The following ATP11A variants were observed in gnomAD, a reference collection of about 807,000 sequenced individuals.
ATP11A encodes phospholipid-transporting ATPase IH.
In ATP11A, 81 loss-of-function variants were observed where a neutral mutation model predicts 154.4. That is an observed-to-expected ratio of 0.52 (90% CI 0.44 to 0.63). The LOEUF (loss-of-function observed/expected upper bound fraction) is 0.63. Among genes scored for constraint, ATP11A ranks in the 30% least tolerant of loss-of-function variants. The pLI is 0.00. For synonymous variants in ATP11A, 623 were observed against 585.9 expected (o/e 1.06, Z -0.91); for missense variants, 1,316 against 1,474.3 (o/e 0.89, Z 1.76).
In ATP11A at chr13:112,866,664, C is replaced by T. The variant is rs535042740; in HGVS notation, c.2991+4089C>T. On this transcript the variant is annotated intron_variant, in intron 25 of 29. Coordinates refer to ENST00000375645, the MANE Select transcript of ATP11A (RefSeq NM_015205.3). ...TTCTGGGTGACTTCTAAACAGAAAT[C>T]GGCTTCGTTCCTTGTTTAGCCTGAC... is the stretch of plus-strand genomic sequence containing the variant. Among the ~76,000 whole-genome samples the T allele has an allele frequency of 3.3e-4, 12 of 36,554 alleles. 1 individual carries two copies. The highest frequency in any genetic ancestry group is 7.7e-4 in the African/African-American group (10 of 13,054). The allele number at this position is 36,554 out of a possible 152,430, so 24.0% of individuals were successfully genotyped here.
At chr13:112,853,642 A>G (rs750196931) in intron 18 of ATP11A, among the ~76,000 whole-genome samples, 3 of 152,194 alleles carry the variant, frequency 2.0e-5, no homozygotes, top group Non-Finnish European at 4.4e-5. Flanking sequence ...TGGGTTTTCC[A>G]TATGTAAATA....
intron 1 of ATP11A, among the ~76,000 whole-genome samples, chr13:112,736,618 AGCAT>A (rs1311199694): frequency 6.6e-6 from 1 of 152,226 alleles, no homozygotes; most frequent in Non-Finnish European, 1.5e-5. Context: ...TGTTGTTTCC[AGCAT>A]GCCAGAATTA....
chr13:112,734,781 G>T (rs376292952), intron 1 of ATP11A, among the ~76,000 whole-genome samples: 40 of 152,198 alleles, frequency 2.6e-4, no homozygotes, highest in African/African-American at 8.2e-4. Flanking sequence ...GCCGCACTTG[G>T]GGGGGATCAC....
rs749111092 is a variant in ATP11A at position 112,842,394 on chromosome 13, G to A, written c.1809+15G>A. On this transcript the variant is annotated intron_variant, in intron 17 of 29. Coordinates refer to ENST00000375645, the MANE Select transcript of ATP11A (RefSeq NM_015205.3). ...GTAACGCAGTGGTGAGAGCCGGGCT[G>A]GGGAGGGCCTCGTGGCGGTCAGCTC... 8.8e-6 allele frequency: 14 copies of A among 1,582,174 alleles called. No homozygotes were observed. In the Admixed American group the frequency reaches 2.3e-4, roughly 26 times the overall value.
intron 26 of ATP11A, among the ~76,000 whole-genome samples, chr13:112,873,188 C>T (rs9549587): frequency 0.031 from 876 of 28,612 alleles, no homozygotes; most frequent in African/African-American, 0.16. Context: ...TCTTCCTGAG[C>T]GGTGTGAGGT....
intron 1 of ATP11A, among the ~76,000 whole-genome samples, chr13:112,734,984 A>C (rs1472061892): frequency 1.3e-5 from 2 of 152,220 alleles, no homozygotes; most frequent in Non-Finnish European, 2.9e-5. Context: ...CCTTCCAGGA[A>C]GGATTTGAAG....
chr13:112,877,707 G>T (rs1342531834), intron 28 of ATP11A, among the ~76,000 whole-genome samples: 1 of 152,198 alleles, frequency 6.6e-6, no homozygotes. Context: ...TTGAACTCGG[G>T]GGGTTAGGAG....
rs1400837057 is a variant in ATP11A at position 112,787,109 on chromosome 13, G to A, written c.162+1852G>A. On this transcript the variant is annotated intron_variant, in intron 2 of 29. Transcript: ENST00000375645. ...TGTGGAGACCTACTTAATTCACACC[G>A]GTGTCCTGACGTGTAGACCCCTGTG... 9.2e-4 allele frequency among the ~76,000 whole-genome samples: 108 copies of A among 117,770 alleles called. 3 individuals carry two copies. The highest frequency in any genetic ancestry group is 4.2e-3 in the African/African-American group (99 of 23,744). 77.3% of individuals were successfully genotyped at this position (117,770 alleles called of 152,430 possible).
chr13:112,720,526 C>T (rs528469769), intron 1 of ATP11A, among the ~76,000 whole-genome samples: 2 of 152,038 alleles, frequency 1.3e-5, no homozygotes, highest in African/African-American at 2.4e-5. Context: ...GGCTTTATCA[C>T]GCAGATGAAG....
chr13:112,834,755 A>G (rs1275229970), intron 15 of ATP11A, 95 bp downstream of exon 15: 20 of 992,708 alleles, frequency 2.0e-5, no homozygotes, highest in Non-Finnish European at 3.0e-5. Context: ...CAAGTTCTCT[A>G]TGTTCTCCCA....
At chr13:112,803,497 G>A (rs561772894) in intron 2 of ATP11A, among the ~76,000 whole-genome samples, 23 of 152,276 alleles carry the variant, frequency 1.5e-4, no homozygotes, top group Admixed American at 5.2e-4. Flanking sequence ...TTCAGGTTTC[G>A]GTAGACTGTC....
At chr13:112,863,481 C>T (rs1242658223) in intron 25 of ATP11A, among the ~76,000 whole-genome samples, 2 of 132,138 alleles carry the variant, frequency 1.5e-5, no homozygotes, top group African/African-American at 5.4e-5. Context: ...TCAGTGCAGC[C>T]CATGCAGCTT....
rs1017077451 is a variant in ATP11A at position 112,807,672 on chromosome 13, G to T, written c.333+1379G>T. 6.6e-6 allele frequency among the ~76,000 whole-genome samples: 1 copy of T among 152,190 alleles called. No individual in the cohort carries two copies. Among genetic ancestry groups the T allele is most frequent in the Non-Finnish European group, 1.5e-5 (1 of 68,030 alleles). ...AGGAAATGGTGCTGAAGGAAACGAT[G>T]TTACTCGGGGACCTGCCATGTGTCC... On this transcript the variant is annotated intron_variant, in intron 4 of 29. Coordinates refer to ENST00000375645, the MANE Select transcript of ATP11A (RefSeq NM_015205.3). The surrounding 1 kb of genome is among the most constrained non-coding windows in gnomAD (Gnocchi z 4.5).
At chr13:112,814,756 T>A (rs2078595850) in intron 5 of ATP11A, among the ~76,000 whole-genome samples, 1 of 152,248 alleles carries the variant, frequency 6.6e-6, no homozygotes, top group South Asian at 2.1e-4. Context: ...TCACTGTAGC[T>A]GTCTCAGAAG....
chr13:112,855,998 C>CG lies in ATP11A; in HGVS notation c.2333dup (p.Asn779GlnfsTer31). 1 of 1,614,216 alleles carries CG rather than the reference C, an allele frequency of 6.2e-7. No homozygotes were observed. ...TGAAGCCTCGAGAAGACGGGAGTTC[C>CG]GGCAACTACAGGGAGCTCTTCCTGG... is the stretch of plus-strand genomic sequence containing the variant. On this transcript the variant is annotated frameshift_variant, in exon 20 of 30. Transcript: ENST00000375645.
rs575401497 is a variant in ATP11A at position 112,690,485 on chromosome 13, C to G, written c.39+30C>G. The G allele has an allele frequency of 3.8e-6, 5 of 1,323,680 alleles. No individual in the cohort carries two copies. Among genetic ancestry groups the G allele is most frequent in the South Asian group, 4.6e-5 (2 of 43,278 alleles). 82.0% of individuals were successfully genotyped at this position (1,323,680 alleles called of 1,614,324 possible). On this transcript the variant is annotated intron_variant, in intron 1 of 29. Coordinates refer to ENST00000375645, the MANE Select transcript of ATP11A (RefSeq NM_015205.3). The surrounding 1 kb of genome is among the most constrained non-coding windows in gnomAD (Gnocchi z 5.6). ...GTGCTCCCGGCGCGGGCTGGGGGACCCGGGGACCAGACAGACGCGGGCCGG... is the reference window on the plus strand; with the variant it reads ...GTGCTCCCGGCGCGGGCTGGGGGACGCGGGGACCAGACAGACGCGGGCCGG...
At chr13:112,793,822 A>AGCCAGAG in intron 2 of ATP11A, among the ~76,000 whole-genome samples, 1 of 152,246 alleles carries the variant, frequency 6.6e-6, no homozygotes, top group Non-Finnish European at 1.5e-5. Flanking sequence ...TTCGTCTCGC[A>AGCCAGAG]GCCAGAGGCC....
chr13:112,721,945 C>G (rs1889241012), intron 1 of ATP11A, among the ~76,000 whole-genome samples: 1 of 152,178 alleles, frequency 6.6e-6, no homozygotes, highest in South Asian at 2.1e-4. Context: ...CAAGGGGAGG[C>G]CGGCACACTG....
At chr13:112,869,824 G>A (rs953317037) in intron 25 of ATP11A, among the ~76,000 whole-genome samples, 48 of 152,234 alleles carry the variant, frequency 3.2e-4, no homozygotes, top group Admixed American at 3.0e-3. Context: ...TGTTCCTAGA[G>A]GCATGATATT....
Sources: allele counts gnomAD v4.1 joint callset (sites outside exome capture counted in the v4.1 genomes callset), GRCh38; gene constraint gnomAD v4.1.1; non-coding constraint Gnocchi (gnomAD v3.1); transcripts MANE v1.5; gene names NCBI Gene and HGNC (gene_info 2026-07-23, HGNC 2026-07-21).